FIG4: variants seen among roughly 807,000 people sequenced by gnomAD.
FIG4 encodes FIG4 phosphoinositide 5-phosphatase.
In FIG4, 112 loss-of-function variants were observed where a neutral mutation model predicts 118.6. That is an observed-to-expected ratio of 0.94 (90% confidence interval 0.81 to 1.11). FIG4 has a LOEUF of 1.11. FIG4 is among the 50% of genes least tolerant of loss of function. FIG4 has a pLI of 0.00. For synonymous variants in FIG4, 369 were observed against 381.2 expected, an observed-to-expected ratio of 0.97 and a Z score of 0.37; for missense variants, 969 against 1,111.7, an observed-to-expected ratio of 0.87 and a Z score of 1.83.
At chr6:109,764,895 T>G (rs987921543) in intron 13 of FIG4, 118 bp from the exon 14 acceptor site, 1 of 811,078 alleles carries the variant, frequency 1.2e-6, no homozygotes. Context: ...CCCACAGACT[T>G]TTTTTGTTTT....
At chr6:109,718,750 A>G (rs952145610) in intron 3 of FIG4, among the ~76,000 whole-genome samples, 4 of 152,124 alleles carry the variant, frequency 2.6e-5, no homozygotes, top group African/African-American at 9.7e-5. Context: ...ACGTGAGTTC[A>G]TGTGCTTAAA....
At chr6:109,786,174 A>T in intron 17 of FIG4, 128 bp from the exon 18 acceptor site, 1 of 735,224 alleles carries the variant, frequency 1.4e-6, no homozygotes, top group Non-Finnish European at 2.3e-6. Context: ...GCAGGAGCTT[A>T]CCCTCGGTCA....
intron 1 of FIG4, among the ~76,000 whole-genome samples, chr6:109,707,074 C>G (rs1775090882): frequency 6.6e-6 from 1 of 152,104 alleles, no homozygotes; most frequent in African/African-American, 2.4e-5. Flanking sequence ...ACTTAGTTTA[C>G]TAATTTTTAT....
intron 10 of FIG4, among the ~76,000 whole-genome samples, chr6:109,757,761 A>G (rs1016086813): frequency 3.3e-5 from 5 of 152,250 alleles, no homozygotes; most frequent in Non-Finnish European, 7.3e-5. Flanking sequence ...CAACTTCAGC[A>G]AAGTCTCAGG....
intron 10 of FIG4, among the ~76,000 whole-genome samples, chr6:109,747,408 G>A (rs1023744170): frequency 1.3e-5 from 2 of 152,108 alleles, no homozygotes; most frequent in African/African-American, 4.8e-5. Flanking sequence ...ACCAGGAAGT[G>A]CTGTGTCAGG....
chr6:109,796,414 T>G (rs1778288917), intron 21 of FIG4, among the ~76,000 whole-genome samples: 1 of 152,216 alleles, frequency 6.6e-6, no homozygotes, highest in African/African-American at 2.4e-5. Flanking sequence ...ATTAGATATT[T>G]GTCACCCTTA....
chr6:109,766,922 A>G (rs778065221), intron 15 of FIG4, 27 bp downstream of exon 15: 13 of 1,596,580 alleles, frequency 8.1e-6, no homozygotes, highest in South Asian at 2.2e-5. Context: ...AGCTATTTTT[A>G]AGACTTACTC....
chr6:109,768,267 A>G (rs1024112266), intron 15 of FIG4, among the ~76,000 whole-genome samples: 4 of 152,194 alleles, frequency 2.6e-5, no homozygotes, highest in Non-Finnish European at 5.9e-5. Flanking sequence ...TAAGGAGCCA[A>G]GGAAGGAATT....
Position 109,715,104 on chromosome 6 carries a change from T to C in FIG4, c.93T>C (p.Asn31=). 6.2e-7 allele frequency: 1 copy of C among 1,600,022 alleles called. No homozygotes were observed. Among genetic ancestry groups the C allele is most frequent in the Non-Finnish European group, 8.6e-7 (1 of 1,167,750 alleles). Residue 31 remains asparagine (N), a synonymous_variant, in exon 2 of 23, where the codon AAT becomes AAC. Coordinates refer to ENST00000230124, the MANE Select transcript of FIG4 (RefSeq NM_014845.6). ...RARYFLVGSN[N]AETKYRVLKI... is the part of the protein sequence containing the mutation. The stretch of plus-strand genomic sequence containing the variant: ...GATACTTTCTAGTTGGGAGCAATAA[T>C]GCAGAAACGAAATATCGTGTCTTGA...
chr6:109,738,554 G>T, intron 7 of FIG4, 101 bp downstream of exon 7: 1 of 1,142,186 alleles, frequency 8.8e-7, no homozygotes, highest in Non-Finnish European at 1.3e-6. Context: ...ATACCACTCT[G>T]TGCACCCCAA....
At chr6:109,755,820 C>T (rs7451512) in intron 10 of FIG4, among the ~76,000 whole-genome samples, 49,448 of 151,958 alleles carry the variant, frequency 0.33, 8,580 homozygotes, top group South Asian at 0.45. Flanking sequence ...TATTTTGAGC[C>T]TATGTGTGTC....
At chr6:109,778,874 C>T (rs969643302) in intron 16 of FIG4, among the ~76,000 whole-genome samples, 1 of 152,194 alleles carries the variant, frequency 6.6e-6, no homozygotes, top group Non-Finnish European at 1.5e-5. Flanking sequence ...GCTGGGATTA[C>T]AGGCGTGAGC....
chr6:109,730,079 C>G (rs1306102431), intron 4 of FIG4, among the ~76,000 whole-genome samples: 1 of 151,862 alleles, frequency 6.6e-6, no homozygotes, highest in East Asian at 1.9e-4. Flanking sequence ...GACAAGGTCT[C>G]ACTCTGTTAC....
At chr6:109,781,139 G>A (rs1777790944) in intron 16 of FIG4, among the ~76,000 whole-genome samples, 1 of 152,198 alleles carries the variant, frequency 6.6e-6, no homozygotes, top group Non-Finnish European at 1.5e-5. Flanking sequence ...TGAAGAGGCA[G>A]TTGTTTTGGA....
chr6:109,762,822 C>T (rs1324008179), intron 12 of FIG4, among the ~76,000 whole-genome samples: 1 of 151,974 alleles, frequency 6.6e-6, no homozygotes, highest in African/African-American at 2.4e-5. Flanking sequence ...GACAGGGGTC[C>T]CCCAAGACTA....
At chr6:109,795,156 C>T (rs756080389) in intron 21 of FIG4, among the ~76,000 whole-genome samples, 22 of 111,350 alleles carry the variant, frequency 2.0e-4, no homozygotes, top group Admixed American at 5.6e-4. Context: ...CTCGCTCTGT[C>T]GCCCAGGCGG....
At chr6:109,774,039 T>G (rs1408158921) in intron 15 of FIG4, among the ~76,000 whole-genome samples, 1 of 152,122 alleles carries the variant, frequency 6.6e-6, no homozygotes, top group Non-Finnish European at 1.5e-5. Flanking sequence ...CTCAATCTTG[T>G]GAGCTCAAGC....
At chr6:109,716,154 A>G (rs1583642646) in intron 2 of FIG4, among the ~76,000 whole-genome samples, 1 of 152,304 alleles carries the variant, frequency 6.6e-6, no homozygotes, top group East Asian at 1.9e-4. Flanking sequence ...TAAGGGATTC[A>G]TGGACTCTTG....
At chr6:109,732,526 T>A in intron 4 of FIG4, 111 bp from the exon 5 acceptor site, 1 of 688,690 alleles carries the variant, frequency 1.5e-6, no homozygotes, top group Non-Finnish European at 2.6e-6. Context: ...TTTGAATTCC[T>A]CAGCTTTAAT....
Sources: allele counts gnomAD v4.1 joint callset (sites outside exome capture counted in the v4.1 genomes callset), GRCh38; gene constraint gnomAD v4.1.1; transcripts MANE v1.5; gene names NCBI Gene and HGNC (gene_info 2026-07-23, HGNC 2026-07-21).